The following VWDE variants were observed in gnomAD, a reference collection of about 807,000 sequenced individuals.
The protein encoded by VWDE is von Willebrand factor D and EGF domains.
VWDE carries 207 observed loss-of-function variants against 178.4 expected under a neutral mutation model. The observed-to-expected ratio is 1.16, with a 90% confidence interval of 1.04 to 1.30. VWDE has a LOEUF of 1.30. Ranked by LOEUF, VWDE falls within the 50% of genes most tolerant of loss-of-function variation. VWDE has a pLI of 0.00. For synonymous variants in VWDE, 738 were observed against 651.4 expected (o/e 1.13, Z -2.02); for missense variants, 2,287 against 1,901.3 (o/e 1.20, Z -3.77).
intron 1 of VWDE, among the ~76,000 whole-genome samples, chr7:12,395,979 C>T (rs1048708090): frequency 2.6e-5 from 4 of 151,062 alleles, no homozygotes; most frequent in Non-Finnish European, 5.9e-5. Flanking sequence ...AACTTTTCCC[C>T]TCAAAAAAAG....
chr7:12,379,462 C>T lies in VWDE; in HGVS notation c.879+15G>A, dbSNP rs762415321. On this transcript the variant is annotated intron_variant, in intron 6 of 28. Coordinates refer to ENST00000275358, the MANE Select transcript of VWDE (RefSeq NM_001135924.3). ...AGAGGAATAATCTTTCTGATGCATC[C>T]CCACTGCTGCGTACCTTAAAGCCTG... 18 of 1,523,884 alleles carry T rather than the reference C, an allele frequency of 1.2e-5. No individual in the cohort carries two copies. In the South Asian group the frequency reaches 1.9e-4, roughly 16 times the overall value. 94.4% of individuals were successfully genotyped at this position (1,523,884 alleles called of 1,614,324 possible). A position where few individuals can be genotyped will look rare whatever the true frequency, so the allele number is the denominator to read the frequency against.
chr7:12,396,768 AAAT>A (rs1013127003), intron 1 of VWDE, among the ~76,000 whole-genome samples: 1 of 151,464 alleles, frequency 6.6e-6, no homozygotes, highest in Non-Finnish European at 1.5e-5. Context: ...AAAAAAAAAA[AAAT>A]ACAAAAATAC....
At chr7:12,390,009 A>T (rs1380899462) in intron 2 of VWDE, among the ~76,000 whole-genome samples, 4 of 152,072 alleles carry the variant, frequency 2.6e-5, no homozygotes, top group Non-Finnish European at 5.9e-5. Flanking sequence ...CCAAAAACAC[A>T]AAAGAATTAG....
chr7:12,394,306 C>A lies in VWDE; in HGVS notation c.59-528G>T, dbSNP rs559590618. Among the ~76,000 whole-genome samples, 16 of 135,166 alleles carry A rather than the reference C, an allele frequency of 1.2e-4. 1 individual carries two copies. The South Asian group carries it at 3.6e-3, about 30-fold the overall frequency. 88.7% of individuals were successfully genotyped at this position (135,166 alleles called of 152,430 possible). ...CTAAAGTTTACTGCATTCTTGGATG[C>A]AGAAAAACATTAAAAATTTTAAAGT... On this transcript the variant is annotated intron_variant, in intron 1 of 28. Coordinates refer to ENST00000275358, the MANE Select transcript of VWDE (RefSeq NM_001135924.3).
chr7:12,341,205 C>A (rs1259169141), intron 23 of VWDE, among the ~76,000 whole-genome samples: 2 of 152,222 alleles, frequency 1.3e-5, no homozygotes, highest in Admixed American at 1.3e-4. Flanking sequence ...TCAAGTGGAT[C>A]CTTGTTTCCA....
At chr7:12,359,813 A>T (rs1047715279) in intron 15 of VWDE, 121 bp from the exon 16 acceptor site, 1 of 575,966 alleles carries the variant, frequency 1.7e-6, no homozygotes, top group Non-Finnish European at 3.1e-6. Flanking sequence ...ATCTATTTTG[A>T]TACTTCATAA....
At chr7:12,358,141 C>G (rs1782365879) in intron 16 of VWDE, among the ~76,000 whole-genome samples, 1 of 152,096 alleles carries the variant, frequency 6.6e-6, no homozygotes, top group African/African-American at 2.4e-5. Context: ...CTTTGGGAAG[C>G]CAAGGCAGGA....
chr7:12,367,840 C>A (rs558539156), intron 12 of VWDE, among the ~76,000 whole-genome samples: 1 of 152,006 alleles, frequency 6.6e-6, no homozygotes, highest in Non-Finnish European at 1.5e-5. Flanking sequence ...TGCCATATAG[C>A]TGGGTTATAG....
At chr7:12,376,355 C>G (rs187386883) in intron 7 of VWDE, among the ~76,000 whole-genome samples, 2 of 151,998 alleles carry the variant, frequency 1.3e-5, no homozygotes, top group African/African-American at 4.8e-5. Context: ...TTAAAGAGGA[C>G]AAGATGAGGG....
chr7:12,354,682 C>G (rs1170566912), intron 18 of VWDE, among the ~76,000 whole-genome samples: 1 of 152,140 alleles, frequency 6.6e-6, no homozygotes, highest in Admixed American at 6.5e-5. Context: ...TAATTACATT[C>G]AATTTAATAT....
At chr7:12,336,259 G>A (rs1347180863) in intron 26 of VWDE, 23 bp from the exon 27 acceptor site, 4 of 1,544,098 alleles carry the variant, frequency 2.6e-6, no homozygotes, top group East Asian at 2.5e-5. Context: ...ATATAAACAA[G>A]TTAAAATTTT....
intron 2 of VWDE, among the ~76,000 whole-genome samples, chr7:12,391,491 G>C (rs558557206): frequency 6.6e-6 from 1 of 152,292 alleles, no homozygotes; most frequent in Admixed American, 6.5e-5. Context: ...CTACACATTC[G>C]TGTGAGGTTC....
chr7:12,358,338 C>T (rs919958510), intron 16 of VWDE, among the ~76,000 whole-genome samples: 4 of 149,612 alleles, frequency 2.7e-5, no homozygotes, highest in African/African-American at 7.5e-5. Context: ...CGTGCCACTG[C>T]GCTCCAGCCT....
rs1220644457 is a variant in VWDE at position 12,348,283 on chromosome 7, C to T, written c.3886+3290G>A. ...CAAAAGAAACTACCATCAGAGTGAA[C>T]AGGCAACCTACAAAATGGGAGAAAA... On this transcript the variant is annotated intron_variant, in intron 19 of 28. Coordinates refer to ENST00000275358, the MANE Select transcript of VWDE (RefSeq NM_001135924.3). 5.4e-5 allele frequency among the ~76,000 whole-genome samples: 8 copies of T among 149,076 alleles called. No homozygotes were observed. In the South Asian group the frequency reaches 1.5e-3, roughly 28 times the overall value.
At chr7:12,361,028 G>C in intron 15 of VWDE, 119 bp downstream of exon 15, 1 of 582,454 alleles carries the variant, frequency 1.7e-6, no homozygotes, top group East Asian at 3.1e-5. Flanking sequence ...CTTGAGGAAG[G>C]CTTTTCTCTA....
rs1457495608 is a variant in VWDE at position 12,389,108 on chromosome 7, A to G, written c.475+19T>C. On this transcript the variant is annotated intron_variant, in intron 3 of 28. Coordinates refer to ENST00000275358, the MANE Select transcript of VWDE (RefSeq NM_001135924.3). Reference sequence around the variant, plus strand: ...AGTTCCATGAATAACAGTCATGTGAATTACTGGTGTTTTCTTACCTTCCGC... The same window carrying G: ...AGTTCCATGAATAACAGTCATGTGAGTTACTGGTGTTTTCTTACCTTCCGC... 2 of 1,449,354 alleles carry G rather than the reference A, an allele frequency of 1.4e-6. No homozygotes were observed. The highest frequency in any genetic ancestry group is 2.0e-5 in the Admixed American group (1 of 50,734). 89.8% of individuals were successfully genotyped at this position (1,449,354 alleles called of 1,614,324 possible).
At chr7:12,400,782 C>T (rs1306889997) in intron 1 of VWDE, among the ~76,000 whole-genome samples, 1 of 151,990 alleles carries the variant, frequency 6.6e-6, no homozygotes, top group East Asian at 1.9e-4. Context: ...TGACTATAAA[C>T]CAATACATCT....
intron 3 of VWDE, among the ~76,000 whole-genome samples, chr7:12,386,724 A>G (rs927580679): frequency 1.3e-5 from 2 of 152,174 alleles, no homozygotes; most frequent in African/African-American, 4.8e-5. Flanking sequence ...GTGACGCTTC[A>G]TTATATATTT....
In VWDE at chr7:12,370,115, A is replaced by C. The variant is rs1286551388; in HGVS notation, c.2191T>G (p.Tyr731Asp). Reference sequence around the variant, plus strand: ...CTGTGGCTTCCCCGGCCTTGTGTATATTTCTTATTGGCCAAATATTGTAGT... The same window carrying C: ...CTGTGGCTTCCCCGGCCTTGTGTATCTTTCTTATTGGCCAAATATTGTAGT... ...DSLQYLANKKYTQGRGSHSQE... is the reference protein window; with the variant it reads ...DSLQYLANKKDTQGRGSHSQE... The change falls in exon 12 of 29, where the codon TAT (tyrosine) becomes GAT (aspartate). Residue 731 changes from tyrosine to aspartate, a missense_variant. Coordinates refer to ENST00000275358, the MANE Select transcript of VWDE (RefSeq NM_001135924.3). The C allele has an allele frequency of 6.4e-7, 1 of 1,551,324 alleles. No homozygotes were observed. The highest frequency in any genetic ancestry group is 2.4e-5 in the East Asian group (1 of 40,910).
Sources: allele counts gnomAD v4.1 joint callset (sites outside exome capture counted in the v4.1 genomes callset), GRCh38; gene constraint gnomAD v4.1.1; transcripts MANE v1.5; gene names NCBI Gene and HGNC (gene_info 2026-07-23, HGNC 2026-07-21).